Variants in FLCN observed in about 807,000 individuals in gnomAD.
The protein encoded by FLCN is BHD skin lesion fibrofolliculoma protein.
A neutral mutation model predicts 62.5 loss-of-function variants in FLCN; 22 were observed. The ratio of observed to expected loss-of-function variants is 0.35; its 90% CI spans 0.25 to 0.50. FLCN has a LOEUF of 0.50. FLCN is among the 20% of genes least tolerant of loss of function. FLCN has a pLI of 0.97. For synonymous variants in FLCN, 319 were observed against 310.0 expected (o/e 1.03, Z -0.30); for missense variants, 657 against 778.0 (o/e 0.84, Z 1.85).
chr17:17,215,058 C>A lies in FLCN; in HGVS notation c.1465G>T (p.Ala489Ser), dbSNP rs757222242. Reference protein sequence around the residue: ...GPTILNKIEAALTNQNLSVDV... With the variant: ...GPTILNKIEASLTNQNLSVDV... ...ACAGACAGGTTCTGGTTGGTCAGAG[C>A]CGCTTCAATCTTATTCAGGATGGTG... The change falls in exon 13 of 14, where the codon GCT becomes TCT. Residue 489 changes from alanine to serine, a missense_variant. Transcript: ENST00000285071. The A allele has an allele frequency of 1.2e-6, 2 of 1,614,050 alleles. No homozygotes were observed. Among genetic ancestry groups the A allele is most frequent in the Admixed American group, 1.7e-5 (1 of 59,994 alleles).
chr17:17,218,449 A>T (rs2046988891), intron 9 of FLCN, among the ~76,000 whole-genome samples: 1 of 142,178 alleles, frequency 7.0e-6, no homozygotes, highest in Non-Finnish European at 1.5e-5. Context: ...CAGTGGTGCC[A>T]TCTTGGCTCA....
In FLCN at chr17:17,226,215, G is replaced by A. The variant is rs878855216; in HGVS notation, c.357C>T (p.Ser119=). Residue 119 remains serine (S), a synonymous_variant, in exon 5 of 14, where the codon AGC becomes AGT. Transcript: ENST00000285071. Reference sequence around the variant, plus strand: ...TCCGGACACAGGCCTGGCGGACAATGCTGAAGAGCTGGGGGTGGCTGGGGT... The same window carrying A: ...TCCGGACACAGGCCTGGCGGACAATACTGAAGAGCTGGGGGTGGCTGGGGT... ...HQHPSHPQLF[S]IVRQACVRSL... 1.9e-6 allele frequency: 3 copies of A among 1,614,118 alleles called. No homozygotes were observed. Among genetic ancestry groups the A allele is most frequent in the Non-Finnish European group, 2.5e-6 (3 of 1,180,018 alleles).
Position 17,227,930 on chromosome 17 carries a change from C to T in FLCN, c.208G>A (p.Glu70Lys), listed in dbSNP as rs554247745. The T allele has an allele frequency of 1.1e-5, 17 of 1,614,124 alleles. No homozygotes were observed. The highest frequency in any genetic ancestry group is 8.8e-5 in the South Asian group (8 of 91,084). ...AHSPAEGASV[E>K]SSSPGPKKSD... ...TTTTTGGGCCCCGGGCTGCTGGACT[C>T]GACGCTGGCCCCCTCTGCGGGGCTG... Residue 70 changes from glutamate (E) to lysine (K), a missense_variant, in exon 4 of 14, where the codon GAG becomes AAG. Glu to Lys is a moderately conservative substitution (Grantham distance 56). Transcript: ENST00000285071.
intron 9 of FLCN, 63 bp from the exon 10 acceptor site, chr17:17,217,245 A>G: frequency 9.0e-7 from 1 of 1,109,602 alleles, no homozygotes; most frequent in Non-Finnish European, 1.4e-6. Flanking sequence ...CTCCCTTCCC[A>G]TGAAGTTATT....
At chr17:17,222,142 G>T (rs1309093088) in intron 7 of FLCN, among the ~76,000 whole-genome samples, 3 of 151,714 alleles carry the variant, frequency 2.0e-5, no homozygotes, top group Non-Finnish European at 4.4e-5. Flanking sequence ...TTTGAGAACA[G>T]CCTGGCCAAC....
At chr17:17,223,155 G>C (rs909897846) in intron 6 of FLCN, 1 of 273,620 alleles carries the variant, frequency 3.7e-6, no homozygotes, top group African/African-American at 2.2e-5. Context: ...GTGCAATGGT[G>C]TGATCTCGGC....
chr17:17,228,551 C>G, intron 3 of FLCN: 1 of 255,156 alleles, frequency 3.9e-6, no homozygotes, highest in Non-Finnish European at 7.8e-6. Context: ...CCACCCAATA[C>G]ATATCTGCTT....
chr17:17,223,721 G>T (rs896004500), intron 6 of FLCN, among the ~76,000 whole-genome samples: 1 of 152,260 alleles, frequency 6.6e-6, no homozygotes, highest in African/African-American at 2.4e-5. Context: ...GGGCACAAGA[G>T]AGACCAGCAA....
chr17:17,224,502 T>C, intron 5 of FLCN: 1 of 426,172 alleles, frequency 2.3e-6, no homozygotes, highest in East Asian at 4.3e-5. Flanking sequence ...GCCACTGCAC[T>C]CTCCCTGCAC....
At chr17:17,220,896 G>A in intron 8 of FLCN, 1 of 264,918 alleles carries the variant, frequency 3.8e-6, no homozygotes, top group Non-Finnish European at 7.4e-6. Context: ...AGCTCTGGCT[G>A]TTTGGAAGGC....
At position 17,213,502 on chromosome 17, in the gene FLCN, C is replaced by A; in HGVS notation, c.*153G>T. 9.7e-7 allele frequency: 1 copy of A among 1,033,926 alleles called. No individual in the cohort carries two copies. 64.0% of individuals were successfully genotyped at this position (1,033,926 alleles called of 1,614,324 possible). A position where few individuals can be genotyped will look rare whatever the true frequency, so the allele number is the denominator to read the frequency against. On this transcript the variant is annotated 3_prime_UTR_variant, in exon 14 of 14. Coordinates refer to ENST00000285071, the MANE Select transcript of FLCN (RefSeq NM_144997.7). Reference sequence around the variant, plus strand: ...TCTGGGAAGCACACAGGCCCCAAACCTGACAGGGCCGAGCCCAGCCCTGAT... The same window carrying A: ...TCTGGGAAGCACACAGGCCCCAAACATGACAGGGCCGAGCCCAGCCCTGAT...
Position 17,216,766 on chromosome 17 carries a change from G to A in FLCN, c.1177-263C>T, listed in dbSNP as rs558766151. Among the ~76,000 whole-genome samples the A allele has an allele frequency of 1.1e-4, 17 of 152,260 alleles. No homozygotes were observed. Among genetic ancestry groups the A allele is most frequent in the African/African-American group, 3.6e-4 (15 of 41,550 alleles). On this transcript the variant is annotated intron_variant, in intron 10 of 13. Transcript: ENST00000285071. This position sits in a 1 kb window ranked among gnomAD's most constrained non-coding sequence, Gnocchi z 4.0. ...CTCTGTGGTGTTAACTCATATTAAT[G>A]TTTGCCTGCACAGATGTTTGTCTCC...
Position 17,222,664 on chromosome 17 carries a change from GA to G in FLCN, c.619-4del, listed in dbSNP as rs775559365. ...CCAAACTGCTCTGCCTCAAACACCT[GA>G]AATGCAAAGGGAAGGGATGGCCTCT... On this transcript the variant is annotated splice_region_variant and splice_polypyrimidine_tract_variant and intron_variant, in intron 6 of 13. Coordinates refer to ENST00000285071, the MANE Select transcript of FLCN (RefSeq NM_144997.7). 2 of 1,614,172 alleles carry G rather than the reference GA, an allele frequency of 1.2e-6. No homozygotes were observed. Among genetic ancestry groups the G allele is most frequent in the East Asian group, 4.5e-5 (2 of 44,874 alleles).
At chr17:17,219,701 C>G (rs921989057) in intron 8 of FLCN, 1 of 160,320 alleles carries the variant, frequency 6.2e-6, no homozygotes, top group Non-Finnish European at 1.4e-5. Flanking sequence ...TCCCAAGTAG[C>G]TGGGACTACA....
At chr17:17,231,326 G>A (rs936853383) in intron 3 of FLCN, among the ~76,000 whole-genome samples, 5 of 152,188 alleles carry the variant, frequency 3.3e-5, no homozygotes, top group Non-Finnish European at 7.3e-5. Flanking sequence ...AATAGCCCAG[G>A]TCACAGAATA....
chr17:17,223,045 G>T, intron 6 of FLCN: 1 of 352,866 alleles, frequency 2.8e-6, no homozygotes, highest in South Asian at 2.3e-5. Context: ...GACAAACAAG[G>T]CCCTCAGCAC....
chr17:17,235,024 A>AT (rs1316879437), intron 1 of FLCN, among the ~76,000 whole-genome samples: 1 of 151,388 alleles, frequency 6.6e-6, no homozygotes, highest in Non-Finnish European at 1.5e-5. Context: ...AGGGAGGAGA[A>AT]TGGCGTGAAC....
Position 17,237,080 on chromosome 17 carries a change from G to A in FLCN, c.-396C>T, listed in dbSNP as rs1455743504. ...CCACGGCAGGGATGTCACCCGGGGT[G>A]GCGAGGCTCTCAAGCCCGGGTTCAG... is the stretch of plus-strand genomic sequence containing the variant. On this transcript the variant is annotated 5_prime_UTR_variant, in exon 1 of 14. Transcript: ENST00000285071. 6.6e-6 allele frequency: 1 copy of A among 152,242 alleles called. No individual in the cohort carries two copies. The highest frequency in any genetic ancestry group is 2.1e-4 in the South Asian group (1 of 4,838). 9.4% of individuals were successfully genotyped at this position (152,242 alleles called of 1,614,324 possible).
rs531998521 is a variant in FLCN, at chr17:17,216,921, C to A, written c.1176+148G>T. The A allele has an allele frequency of 7.8e-5, 55 of 707,268 alleles. 1 individual carries two copies. The East Asian group carries it at 1.5e-3, about 19-fold the overall frequency. 43.8% of individuals were successfully genotyped at this position (707,268 alleles called of 1,614,324 possible). ...AAACATCATCAGACCAGACCCGGGTCTCCGTGCCCACTGCGCCCCCAGTGG... is the reference window on the plus strand; with the variant it reads ...AAACATCATCAGACCAGACCCGGGTATCCGTGCCCACTGCGCCCCCAGTGG... On this transcript the variant is annotated intron_variant, in intron 10 of 13. Transcript: ENST00000285071. The surrounding 1 kb of genome is among the most constrained non-coding windows in gnomAD (Gnocchi z 4.0).
Sources: gnomAD v4.1 joint callset for allele counts (sites outside exome capture counted in the v4.1 genomes callset) on GRCh38, gnomAD v4.1.1 for gene constraint, Gnocchi (gnomAD v3.1) non-coding constraint, MANE v1.5 for transcripts, NCBI Gene and HGNC (gene_info 2026-07-23, HGNC 2026-07-21) for gene names.